KRT35: variants seen among roughly 807,000 people sequenced by gnomAD.
KRT35 encodes the protein keratin 35.
In KRT35, 33 loss-of-function variants were observed where a neutral mutation model predicts 42.2. That is an observed-to-expected ratio of 0.78 (90% CI 0.59 to 1.05). The LOEUF is 1.05. KRT35 is among the 50% of genes least tolerant of loss of function. The pLI, the probability that KRT35 is intolerant of heterozygous loss-of-function variation, is 0.00. For missense variants in KRT35, 585 were observed against 589.2 expected, an observed-to-expected ratio of 0.99 and a Z score of 0.07; for synonymous variants, 218 against 238.2, an observed-to-expected ratio of 0.92 and a Z score of 0.78.
At chr17:41,479,596 C>A in intron 2 of KRT35, 93 bp from the exon 3 acceptor site, 1 of 1,567,664 alleles carries the variant, frequency 6.4e-7, no homozygotes, top group South Asian at 1.2e-5. Context: ...GTGAGTCCTG[C>A]TTTTATGCCC....
intron 5 of KRT35, 131 bp from the exon 6 acceptor site, chr17:41,477,869 G>C: frequency 7.7e-7 from 1 of 1,305,016 alleles, no homozygotes; most frequent in African/African-American, 1.5e-5. Flanking sequence ...CTCTCTGTGA[G>C]GTCAAGAGTT....
chr17:41,479,082 T>A lies in KRT35; in HGVS notation c.712-87A>T, dbSNP rs528215181. 14 of 1,351,068 alleles carry A rather than the reference T, an allele frequency of 1.0e-5. No homozygotes were observed. The East Asian group carries it at 3.3e-4, about 31-fold the overall frequency. The allele number at this position is 1,351,068 out of a possible 1,614,324, so 83.7% of individuals were successfully genotyped here. A position where few individuals can be genotyped will look rare whatever the true frequency, so the allele number is the denominator to read the frequency against. ...CCTCATGTTCACCTCCTCCCCATGC[T>A]CACCCCTCCTAATGCTCACCTCCTC... On this transcript the variant is annotated intron_variant, in intron 3 of 6. Coordinates refer to ENST00000246639, the MANE Select transcript of KRT35 (RefSeq NM_002280.6).
chr17:41,478,593 C>G, intron 4 of KRT35, 107 bp from the exon 5 acceptor site: 3 of 1,370,500 alleles, frequency 2.2e-6, no homozygotes, highest in South Asian at 1.3e-5. Context: ...TCCCGATTCC[C>G]CAGTCCCACT....
In KRT35 at chr17:41,480,685, G is replaced by A. The variant is rs1412997347; in HGVS notation, c.413C>T (p.Pro138Leu). ...RIREWCEQQV[P>L]YMCPDYQSYF... Reference sequence around the variant, plus strand: ...GGACTGGTAGTCAGGGCACATGTAGGGGACCTGCTGCTCACACCACTCACG... The same window carrying A: ...GGACTGGTAGTCAGGGCACATGTAGAGGACCTGCTGCTCACACCACTCACG... Residue 138 changes from proline to leucine, a missense_variant, in exon 1 of 7, where the codon CCC becomes CTC. By Grantham distance (98) the Pro-to-Leu change is moderately conservative (BLOSUM62 -3). Transcript: ENST00000246639. The A allele has an allele frequency of 6.2e-7, 1 of 1,614,072 alleles. No individual in the cohort carries two copies. Among genetic ancestry groups the A allele is most frequent in the Admixed American group, 1.7e-5 (1 of 60,002 alleles).
At chr17:41,478,780 T>G in intron 4 of KRT35, 54 bp downstream of exon 4, 1 of 1,537,058 alleles carries the variant, frequency 6.5e-7, no homozygotes, top group Non-Finnish European at 8.9e-7. Flanking sequence ...CCAGGGTCAC[T>G]TCCATGTGAG....
In KRT35 at chr17:41,478,834, C is replaced by T; in HGVS notation, c.873G>A (p.Gln291=). The part of the protein sequence containing the change: ...RRDAEDWLDT[Q]SEELNQQVVS... ...GCACTGACTGTTTCCAGGTACCTAC[C>T]TGGGTGTCCAACCAGTCTTCAGCAT... Residue 291 remains glutamine (Q), a splice_region_variant and synonymous_variant, in exon 4 of 7, where the codon CAG becomes CAA. Coordinates refer to ENST00000246639, the MANE Select transcript of KRT35 (RefSeq NM_002280.6). 9.9e-6 allele frequency: 16 copies of T among 1,612,362 alleles called. No individual in the cohort carries two copies. The highest frequency in any genetic ancestry group is 1.3e-5 in the Non-Finnish European group (15 of 1,178,916).
chr17:41,477,357 A>G (rs1567705666), intron 6 of KRT35, among the ~76,000 whole-genome samples, 154 bp from the exon 7 acceptor site: 1 of 152,210 alleles, frequency 6.6e-6, no homozygotes, highest in African/African-American at 2.4e-5. Flanking sequence ...CTGAGAGGAA[A>G]GGGGGCTTGC....
Position 41,478,389 on chromosome 17 carries a change from TCCAGGGCGTTGA to T in KRT35, c.959_970del (p.Val320_Leu323del). ...GCTGTGCTGAGCCTGCAGCTCAATC[TCCAGGGCGTTGA>T]CCGTGCGTCTCAGCTCGATGATCTC... On this transcript the variant is annotated inframe_deletion, in exon 5 of 7. Transcript: ENST00000246639. 1 of 1,613,820 alleles carries T rather than the reference TCCAGGGCGTTGA, an allele frequency of 6.2e-7. No individual in the cohort carries two copies. Among genetic ancestry groups the T allele is most frequent in the Non-Finnish European group, 8.5e-7 (1 of 1,179,922 alleles).
At chr17:41,477,412 C>A (rs998093960) in intron 6 of KRT35, 106 bp downstream of exon 6, 16 of 1,481,094 alleles carry the variant, frequency 1.1e-5, no homozygotes, top group Admixed American at 2.0e-5. Flanking sequence ...ACTAAGAGAA[C>A]AGAACTCCAG....
intron 3 of KRT35, 43 bp downstream of exon 3, chr17:41,479,304 T>A (rs1344996027): frequency 1.3e-6 from 2 of 1,577,972 alleles, no homozygotes; most frequent in Admixed American, 1.7e-5. Flanking sequence ...TCCTCCCCCA[T>A]GCTCACCTGC....
intron 5 of KRT35, 84 bp from the exon 6 acceptor site, chr17:41,477,822 C>A (rs1235862380): frequency 6.1e-6 from 9 of 1,482,944 alleles, no homozygotes; most frequent in Non-Finnish European, 8.2e-6. Flanking sequence ...GGAGCTATAG[C>A]GGGCCTCCGT....
At chr17:41,479,260 C>G in intron 3 of KRT35, 87 bp downstream of exon 3, 2 of 1,288,962 alleles carry the variant, frequency 1.6e-6, no homozygotes, top group South Asian at 2.7e-5. Flanking sequence ...ATGCTCACCT[C>G]ATCCCCAATG....
rs1444069120 is a variant in KRT35 at position 41,480,803 on chromosome 17, C to T, written c.295G>A (p.Glu99Lys). ...GEGILTGNEK[E>K]TMQSLNDRLA... is the part of the protein sequence containing the mutation. ...CGGTCGTTCAGGGATTGCATGGTCTCCTTCTCATTGCCAGTGAGGATGCCC... is the reference window on the plus strand; with the variant it reads ...CGGTCGTTCAGGGATTGCATGGTCTTCTTCTCATTGCCAGTGAGGATGCCC... Residue 99 changes from glutamate (E) to lysine (K), a missense_variant, in exon 1 of 7, where the codon GAG becomes AAG. Coordinates refer to ENST00000246639, the MANE Select transcript of KRT35 (RefSeq NM_002280.6). 2 of 1,614,122 alleles carry T rather than the reference C, an allele frequency of 1.2e-6. No individual in the cohort carries two copies. Among genetic ancestry groups the T allele is most frequent in the African/African-American group, 2.7e-5 (2 of 74,936 alleles).
In KRT35 at chr17:41,478,895, C is replaced by T. The variant is rs199649057; in HGVS notation, c.812G>A (p.Cys271Tyr). ...ATTCTCCACCAGGGTTTCATACTGG[C>T]ACCTCATCTCCTCCAGAACTCGGTT... ...DLNRVLEEMR[C>Y]QYETLVENNR... is the part of the protein sequence containing the mutation. The change falls in exon 4 of 7, where the codon TGC (cysteine) becomes TAC (tyrosine). Residue 271 changes from cysteine to tyrosine, a missense_variant. Coordinates refer to ENST00000246639, the MANE Select transcript of KRT35 (RefSeq NM_002280.6). 254 of 1,613,960 alleles carry T rather than the reference C, an allele frequency of 1.6e-4. No homozygotes were observed. The highest frequency in any genetic ancestry group is 2.1e-4 in the Non-Finnish European group (248 of 1,179,992).
At position 41,479,781 on chromosome 17, in the gene KRT35, T is replaced by C. The variant is rs1267415872; in HGVS notation, c.472A>G (p.Thr158Ala). 2 of 1,612,644 alleles carry C rather than the reference T, an allele frequency of 1.2e-6. No individual in the cohort carries two copies. The highest frequency in any genetic ancestry group is 2.2e-5 in the South Asian group (2 of 91,030). ...GCATTCTCAGCCTTGCTGCATAGAG[T>C]CTGGAGATATGAAGAAGTTATTTCA... is the stretch of plus-strand genomic sequence containing the variant. ...FRTIEELQKK[T>A]LCSKAENARL... is the part of the protein sequence containing the mutation. Residue 158 changes from threonine to alanine, a missense_variant and splice_region_variant, in exon 2 of 7, where the codon ACT (threonine) becomes GCT (alanine). Physicochemically the swap from Thr to Ala is moderately conservative, Grantham distance 58 (BLOSUM62 0). Transcript: ENST00000246639.
In KRT35 at chr17:41,478,497, C is replaced by G. The variant is rs1328156092; in HGVS notation, c.874-11G>C. 2.5e-6 allele frequency: 4 copies of G among 1,612,538 alleles called. No individual in the cohort carries two copies. The highest frequency in any genetic ancestry group is 3.4e-6 in the Non-Finnish European group (4 of 1,179,070). On this transcript the variant is annotated splice_polypyrimidine_tract_variant and intron_variant, in intron 4 of 6. Coordinates refer to ENST00000246639, the MANE Select transcript of KRT35 (RefSeq NM_002280.6). ...GTTCAGCTCCTCACTCTGAAACATA[C>G]ACACACAGAACCTGGTCAGCCACAC...
intron 1 of KRT35, 23 bp from the exon 2 acceptor site, chr17:41,479,804 T>C (rs1350583024): frequency 6.3e-7 from 1 of 1,590,550 alleles, no homozygotes; most frequent in Non-Finnish European, 8.6e-7. Context: ...AGAAGTTATT[T>C]CATTGCAAGA....
chr17:41,477,098 G>GCTGCAGTT lies in KRT35; in HGVS notation c.1318_1325dup (p.Ser442ArgfsTer21). ...GGCAGGGCACACAAATGGGGCGGGGGCTGCAGTTTGTGCGGGCTGCACTAG... is the reference window on the plus strand; with the variant it reads ...GGCAGGGCACACAAATGGGGCGGGGGCTGCAGTTCTGCAGTTTGTGCGGGCTGCACTAG... On this transcript the variant is annotated frameshift_variant, in exon 7 of 7. Transcript: ENST00000246639. LOFTEE classifies it high-confidence loss of function. The GCTGCAGTT allele has an allele frequency of 6.2e-7, 1 of 1,605,948 alleles. No individual in the cohort carries two copies. Among genetic ancestry groups the GCTGCAGTT allele is most frequent in the Admixed American group, 1.7e-5 (1 of 57,964 alleles).
chr17:41,480,977 T>C lies in KRT35; in HGVS notation c.121A>G (p.Ser41Gly), dbSNP rs779251289. 6.5e-5 allele frequency: 105 copies of C among 1,613,972 alleles called. No homozygotes were observed. The highest frequency in any genetic ancestry group is 2.2e-4 in the East Asian group (10 of 44,900). ...AAACTTCTGGCCACAGGGGAGAGAC[T>C]TGGAAGCTTGCAAGAGCTGCTGGAG... is the stretch of plus-strand genomic sequence containing the variant. ...MYSSSSCKLP[S>G]LSPVARSFSA... The change falls in exon 1 of 7, where the codon AGT becomes GGT. Residue 41 changes from serine (S) to glycine (G), a missense_variant. Transcript: ENST00000246639.
Sources: allele counts gnomAD v4.1 joint callset (sites outside exome capture counted in the v4.1 genomes callset), GRCh38; gene constraint gnomAD v4.1.1; transcripts MANE v1.5; gene names NCBI Gene and HGNC (gene_info 2026-07-23, HGNC 2026-07-21).